Variants in GLDC observed in about 807,000 individuals in gnomAD.
GLDC encodes glycine decarboxylase, also known as glycine dehydrogenase (decarboxylating), mitochondrial.
A neutral mutation model predicts 121.3 loss-of-function variants in GLDC; 104 were observed. The observed-to-expected ratio is 0.86, with a 90% CI of 0.73 to 1.01. GLDC has a LOEUF of 1.01. Among genes scored for constraint, GLDC ranks in the 50% least tolerant of loss-of-function variants. The pLI is 0.00. For missense variants in GLDC, 1,429 were observed against 1,306.6 expected, an observed-to-expected ratio of 1.09 and a Z score of -1.44; for synonymous variants, 546 against 480.6, an observed-to-expected ratio of 1.14 and a Z score of -1.78.
At chr9:6,560,790 C>G (rs367869597) in intron 16 of GLDC, among the ~76,000 whole-genome samples, 1 of 152,202 alleles carries the variant, frequency 6.6e-6, no homozygotes, top group East Asian at 1.9e-4. Context: ...TCCTCGGAAC[C>G]TGTGGGTGTT....
At chr9:6,554,513 C>A (rs1817577831) in intron 19 of GLDC, among the ~76,000 whole-genome samples, 156 bp downstream of exon 19, 1 of 152,170 alleles carries the variant, frequency 6.6e-6, no homozygotes, top group South Asian at 2.1e-4. Flanking sequence ...CCTAAAAGCA[C>A]CCATTTTGCT....
At position 6,598,357 on chromosome 9, in the gene GLDC, C is replaced by G. The variant is rs920707678; in HGVS notation, c.1156-3238G>C. ...TTTCAGTTTTGTTTTAGAATGGGGC[C>G]TGCTGAGCCAGAATAGGCTCAGAGA... is the stretch of plus-strand genomic sequence containing the variant. On this transcript the variant is annotated intron_variant, in intron 8 of 24. Transcript: ENST00000321612. Among the ~76,000 whole-genome samples, 6 of 152,168 alleles carry G rather than the reference C, an allele frequency of 3.9e-5. No individual in the cohort carries two copies. The South Asian group carries it at 6.2e-4, about 16-fold the overall frequency.
intron 15 of GLDC, chr9:6,565,693 A>G: frequency 1.7e-6 from 1 of 595,530 alleles, no homozygotes; most frequent in South Asian, 2.1e-5. Flanking sequence ...CTTGCTCAGG[A>G]CCACGCATTG....
chr9:6,534,673 T>C (rs747531471), intron 24 of GLDC, 35 bp downstream of exon 24: 2 of 1,171,866 alleles, frequency 1.7e-6, no homozygotes, highest in Admixed American at 1.7e-5. Context: ...GGCCCATGCC[T>C]TCCCAGCTGG....
intron 21 of GLDC, among the ~76,000 whole-genome samples, chr9:6,544,066 C>T (rs1817332463): frequency 6.6e-6 from 1 of 152,174 alleles, no homozygotes; most frequent in South Asian, 2.1e-4. Flanking sequence ...TACTTATCCC[C>T]CATCCTCAAG....
intron 23 of GLDC, among the ~76,000 whole-genome samples, chr9:6,535,596 G>C (rs1030096742): frequency 3.3e-5 from 5 of 152,074 alleles, no homozygotes; most frequent in East Asian, 1.9e-4. Flanking sequence ...ACTCTGACCA[G>C]ATGTAAAATT....
intron 3 of GLDC, among the ~76,000 whole-genome samples, chr9:6,617,670 C>G (rs560750709): frequency 6.6e-6 from 1 of 152,168 alleles, no homozygotes; most frequent in African/African-American, 2.4e-5. Flanking sequence ...GAGTTATGTA[C>G]AGGGACAGCA....
chr9:6,577,001 TAGAA>T (rs1563844336), intron 15 of GLDC, among the ~76,000 whole-genome samples: 2 of 152,290 alleles, frequency 1.3e-5, no homozygotes, highest in African/African-American at 4.8e-5. Context: ...AATTCTCTCT[TAGAA>T]AGAAAATTCA....
At chr9:6,622,159 G>GACACACACACACAC (rs60752054) in intron 2 of GLDC, among the ~76,000 whole-genome samples, 40 of 145,328 alleles carry the variant, frequency 2.8e-4, no homozygotes, top group Non-Finnish European at 5.2e-4. Context: ...CACACACACA[G>GACACACACACACAC]ACACACACAC....
chr9:6,607,835 A>G (rs1310708908), intron 4 of GLDC, among the ~76,000 whole-genome samples: 1 of 151,716 alleles, frequency 6.6e-6, no homozygotes, highest in African/African-American at 2.4e-5. Context: ...TTAAAAAAAT[A>G]AAATTGGCCG....
At chr9:6,571,696 T>C (rs10815448) in intron 15 of GLDC, among the ~76,000 whole-genome samples, 82,341 of 152,048 alleles carry the variant, frequency 0.54, 22,795 homozygotes, top group African/African-American at 0.6. Flanking sequence ...TCACACTATT[T>C]AGAATGGTGT....
intron 15 of GLDC, among the ~76,000 whole-genome samples, chr9:6,583,619 T>C (rs1020464336): frequency 6.6e-6 from 1 of 152,104 alleles, no homozygotes; most frequent in African/African-American, 2.4e-5. Context: ...AAGGTTGCAG[T>C]GAGCCAAGAT....
intron 8 of GLDC, among the ~76,000 whole-genome samples, chr9:6,601,784 A>G (rs1309401213): frequency 6.6e-6 from 1 of 151,980 alleles, no homozygotes; most frequent in African/African-American, 2.4e-5. Context: ...ACCACCACTG[A>G]CGGCTAATTT....
chr9:6,603,235 A>C, intron 7 of GLDC, among the ~76,000 whole-genome samples: 1 of 140,288 alleles, frequency 7.1e-6, no homozygotes, highest in South Asian at 2.2e-4. Context: ...CTCAAAAAAT[A>C]AAAAAAAAAA....
intron 2 of GLDC, 50 bp downstream of exon 2, chr9:6,644,564 C>G: frequency 1.6e-6 from 2 of 1,257,112 alleles, no homozygotes; most frequent in Non-Finnish European, 2.3e-6. Flanking sequence ...CCACAAAAGA[C>G]AAATAGGCCA....
intron 9 of GLDC, among the ~76,000 whole-genome samples, chr9:6,594,541 C>T (rs975274277): frequency 1.2e-4 from 19 of 152,178 alleles, no homozygotes; most frequent in Admixed American, 3.9e-4. Flanking sequence ...ACCAAAAATA[C>T]AAAAATTAGC....
Position 6,554,796 on chromosome 9 carries a change from A to G in GLDC, c.2203-15T>C. 6.3e-7 allele frequency: 1 copy of G among 1,596,030 alleles called. No homozygotes were observed. Among genetic ancestry groups the G allele is most frequent in the Non-Finnish European group, 8.6e-7 (1 of 1,166,654 alleles). On this transcript the variant is annotated splice_polypyrimidine_tract_variant and intron_variant, in intron 18 of 24. Transcript: ENST00000321612. ...CAGATTCCCACCTACCACAAAGGCA[A>G]GGGCCAAAAGCAAAAGTCAAGAGCT... is the stretch of plus-strand genomic sequence containing the variant.
In GLDC at chr9:6,553,448, C is replaced by G. The variant is rs776288649; in HGVS notation, c.2377G>C (p.Asp793His). Residue 793 changes from aspartate to histidine, a missense_variant, in exon 20 of 25, where the codon GAT (aspartate) becomes CAT (histidine). Asp to His is a moderately conservative substitution (Grantham distance 81). Coordinates refer to ENST00000321612, the MANE Select transcript of GLDC (RefSeq NM_000170.3). ...HPVISLKRNE[D>H]ACPVGTVSAA... The stretch of plus-strand genomic sequence containing the variant: ...CTGACGGTTCCCACAGGACAGGCAT[C>G]CTCATTCCGCTTTAGTGAAATGACG... 1.9e-6 allele frequency: 3 copies of G among 1,613,752 alleles called. No homozygotes were observed. Among genetic ancestry groups the G allele is most frequent in the Non-Finnish European group, 2.5e-6 (3 of 1,179,782 alleles).
chr9:6,537,174 G>A (rs767894343), intron 22 of GLDC, among the ~76,000 whole-genome samples: 2 of 151,956 alleles, frequency 1.3e-5, no homozygotes, highest in Non-Finnish European at 2.9e-5. Flanking sequence ...GAGACTACAG[G>A]TGCACGCCAC....
Sources: allele counts gnomAD v4.1 joint callset (sites outside exome capture counted in the v4.1 genomes callset), GRCh38; gene constraint gnomAD v4.1.1; transcripts MANE v1.5; gene names NCBI Gene and HGNC (gene_info 2026-07-23, HGNC 2026-07-21).